GNAZ: variants seen among roughly 807,000 people sequenced by gnomAD.
GNAZ encodes guanine nucleotide-binding protein G(z) subunit alpha.
GNAZ carries 3 observed loss-of-function variants against 25.4 expected under a neutral mutation model. That is an observed-to-expected ratio of 0.12 (90% CI 0.05 to 0.30). The LOEUF (loss-of-function observed/expected upper bound fraction) is 0.30. Ranked by LOEUF, GNAZ falls within the 10% of genes least tolerant of loss-of-function variation. GNAZ has a pLI of 1.00. For missense variants in GNAZ, 241 were observed against 501.8 expected, an observed-to-expected ratio of 0.48 and a Z score of 4.97; for synonymous variants, 211 against 205.7, an observed-to-expected ratio of 1.03 and a Z score of -0.22.
intron 2 of GNAZ, among the ~76,000 whole-genome samples, chr22:23,115,114 G>T (rs964261261): frequency 6.6e-6 from 1 of 152,216 alleles, no homozygotes; most frequent in Admixed American, 6.5e-5. Flanking sequence ...ACTGCATGGG[G>T]TCCTGTGGAG....
At chr22:23,094,338 C>A (rs2069064675) in intron 1 of GNAZ, among the ~76,000 whole-genome samples, 1 of 152,030 alleles carries the variant, frequency 6.6e-6, no homozygotes, top group Admixed American at 6.5e-5. Context: ...AAGCACCCGG[C>A]AAAGTCACAG....
chr22:23,088,596 T>G (rs1405849979), intron 1 of GNAZ, among the ~76,000 whole-genome samples: 1 of 152,028 alleles, frequency 6.6e-6, no homozygotes, highest in African/African-American at 2.4e-5. Flanking sequence ...ACAGGGTGAG[T>G]GGCAGGTAGG....
chr22:23,081,066 C>A (rs1289385355), intron 1 of GNAZ, among the ~76,000 whole-genome samples: 1 of 152,194 alleles, frequency 6.6e-6, no homozygotes, highest in Non-Finnish European at 1.5e-5. Flanking sequence ...AACTGGTGGG[C>A]TGTGACTGTA....
At position 23,117,003 on chromosome 22, in the gene GNAZ, G is replaced by A. The variant is rs114799702; in HGVS notation, c.724-6084G>A. On this transcript the variant is annotated intron_variant, in intron 2 of 2. Transcript: ENST00000615612. ...GCAGGAGGCTGATGCTGGAATATGC[G>A]CGCACCTGCTGGGGGATCTGTGCGC... Among the ~76,000 whole-genome samples the A allele has an allele frequency of 5.0e-3, 766 of 152,240 alleles. 5 individuals carry two copies. Among genetic ancestry groups the A allele is most frequent in the African/African-American group, 0.018 (744 of 41,534 alleles).
chr22:23,115,014 G>T (rs1465529504), intron 2 of GNAZ, among the ~76,000 whole-genome samples: 1 of 152,226 alleles, frequency 6.6e-6, no homozygotes, highest in African/African-American at 2.4e-5. Flanking sequence ...TCCAGGAAGA[G>T]CTGAAACCTT....
chr22:23,083,085 G>A (rs2068725061), intron 1 of GNAZ, among the ~76,000 whole-genome samples: 1 of 152,136 alleles, frequency 6.6e-6, no homozygotes, highest in South Asian at 2.1e-4. Context: ...GAAGTTTCAG[G>A]AAGAGGACTC....
At position 23,080,264 on chromosome 22, in the gene GNAZ, G is replaced by A. The variant is rs1251561317; in HGVS notation, c.-450+9694G>A. ...AGGCGACACTATCACCCTTTGTCTGGTCAGCCGTGGTGGCTGTGGGCCAAA... is the reference window on the plus strand; with the variant it reads ...AGGCGACACTATCACCCTTTGTCTGATCAGCCGTGGTGGCTGTGGGCCAAA... On this transcript the variant is annotated intron_variant, in intron 1 of 2. Transcript: ENST00000615612. Among the ~76,000 whole-genome samples the A allele has an allele frequency of 2.0e-5, 3 of 152,154 alleles. No individual in the cohort carries two copies. In the East Asian group the frequency reaches 5.8e-4, roughly 29 times the overall value.
chr22:23,078,159 C>G (rs938081287), intron 1 of GNAZ, among the ~76,000 whole-genome samples: 15 of 152,256 alleles, frequency 9.9e-5, no homozygotes, highest in African/African-American at 3.4e-4. Flanking sequence ...TGGTCACCCC[C>G]TCACCCGCTC....
intron 2 of GNAZ, among the ~76,000 whole-genome samples, chr22:23,115,250 G>T (rs906191489): frequency 6.6e-6 from 1 of 152,146 alleles, no homozygotes; most frequent in Non-Finnish European, 1.5e-5. Flanking sequence ...CAGTCCGGGG[G>T]CCCCTCACCT....
chr22:23,080,583 T>C (rs1048658861), intron 1 of GNAZ, among the ~76,000 whole-genome samples: 9 of 152,214 alleles, frequency 5.9e-5, no homozygotes, highest in Admixed American at 4.6e-4. Context: ...GTTGCGGATC[T>C]GCAGGTGCAA....
intron 1 of GNAZ, among the ~76,000 whole-genome samples, chr22:23,074,106 G>A (rs973661495): frequency 2.0e-5 from 3 of 152,318 alleles, no homozygotes; most frequent in Admixed American, 2.0e-4. Flanking sequence ...GCCAGGTCCT[G>A]CAGGACTCAG....
At position 23,123,131 on chromosome 22, in the gene GNAZ, C is replaced by T. The variant is rs1280317094; in HGVS notation, c.768C>T (p.Asn256=). The change falls in exon 3 of 3, where the codon AAC becomes AAT. Residue 256 remains asparagine (N), a synonymous_variant. Transcript: ENST00000615612. ...ESLRLFDSIC[N]NNWFINTSLI... ...TGCGCCTCTTTGACTCCATCTGCAA[C>T]AACAACTGGTTCATCAACACCTCAC... 1 of 1,614,068 alleles carries T rather than the reference C, an allele frequency of 6.2e-7. No individual in the cohort carries two copies. The highest frequency in any genetic ancestry group is 1.1e-5 in the South Asian group (1 of 91,082).
intron 1 of GNAZ, among the ~76,000 whole-genome samples, chr22:23,078,755 G>A (rs1252680098): frequency 6.6e-6 from 1 of 152,226 alleles, no homozygotes; most frequent in Non-Finnish European, 1.5e-5. Context: ...AGGGGGCTGA[G>A]GGGCCATGCA....
intron 1 of GNAZ, among the ~76,000 whole-genome samples, chr22:23,088,786 CCCATCGGGCATTAGGGGTGT>C (rs2146295002): frequency 6.6e-6 from 1 of 152,270 alleles, no homozygotes; most frequent in South Asian, 2.1e-4. Context: ...GGGCTGGGAG[CCCATCGGGCATTAGGGGTGT>C]GGCCTTGCTC....
intron 2 of GNAZ, 110 bp from the exon 3 acceptor site, chr22:23,122,977 C>G: frequency 1.4e-6 from 1 of 696,412 alleles, no homozygotes; most frequent in Non-Finnish European, 2.5e-6. Context: ...TTGCAGGGAC[C>G]AGTCTTGGGC....
chr22:23,081,821 CAAAA>C (rs55713577), intron 1 of GNAZ, among the ~76,000 whole-genome samples: 1 of 46,748 alleles, frequency 2.1e-5, no homozygotes. Flanking sequence ...GATTCCATCT[CAAAA>C]AAAAAAAAAA....
At chr22:23,090,017 G>T (rs568531751) in intron 1 of GNAZ, among the ~76,000 whole-genome samples, 1 of 152,062 alleles carries the variant, frequency 6.6e-6, no homozygotes, top group Admixed American at 6.6e-5. Flanking sequence ...AGTCCTAAGC[G>T]ACCTCCTGGT....
intron 1 of GNAZ, among the ~76,000 whole-genome samples, chr22:23,082,208 T>C (rs1182080489): frequency 2.0e-5 from 3 of 151,904 alleles, no homozygotes; most frequent in Admixed American, 2.0e-4. Context: ...TTCGTTGTGT[T>C]TTTTTGTTTT....
chr22:23,095,894 A>G lies in GNAZ; in HGVS notation c.199A>G (p.Lys67Glu). Reference sequence around the variant, plus strand: ...CGGCGGCTTCAACCTGGAGGCCTGCAAGGAGTACAAGCCCCTCATCATCTA... The same window carrying G: ...CGGCGGCTTCAACCTGGAGGCCTGCGAGGAGTACAAGCCCCTCATCATCTA... ...HSGGFNLEAC[K>E]EYKPLIIYNA... Residue 67 changes from lysine (K) to glutamate (E), a missense_variant, in exon 2 of 3, where the codon AAG (lysine) becomes GAG (glutamate). Coordinates refer to ENST00000615612, the MANE Select transcript of GNAZ (RefSeq NM_002073.4). The G allele has an allele frequency of 6.2e-7, 1 of 1,613,728 alleles. No homozygotes were observed. The highest frequency in any genetic ancestry group is 1.1e-5 in the South Asian group (1 of 91,084).
Sources: gnomAD v4.1 joint callset for allele counts (sites outside exome capture counted in the v4.1 genomes callset) on GRCh38, gnomAD v4.1.1 for gene constraint, MANE v1.5 for transcripts, NCBI Gene and HGNC (gene_info 2026-07-23, HGNC 2026-07-21) for gene names.